GALNTL6: variants seen among roughly 807,000 people sequenced by gnomAD.
GALNTL6 encodes the protein polypeptide N-acetylgalactosaminyltransferase like 6, also known as polypeptide N-acetylgalactosaminyltransferase-like 6.
Under a neutral mutation model 73.7 loss-of-function variants are expected in GALNTL6, and 46 were observed. The observed-to-expected ratio is 0.62, with a 90% CI of 0.49 to 0.80. The LOEUF (loss-of-function observed/expected upper bound fraction) is 0.80. GALNTL6 is among the 30% of genes least tolerant of loss of function. GALNTL6 has a pLI of 0.00. For synonymous variants in GALNTL6, 259 were observed against 263.7 expected (o/e 0.98, Z 0.17); for missense variants, 604 against 755.0 (o/e 0.80, Z 2.34).
intron 2 of GALNTL6, among the ~76,000 whole-genome samples, chr4:171,871,714 A>C (rs1736143011): frequency 6.6e-6 from 1 of 152,192 alleles, no homozygotes. Flanking sequence ...AAAACACTAC[A>C]ATGATTCTGT....
intron 2 of GALNTL6, among the ~76,000 whole-genome samples, chr4:171,997,658 G>A (rs1740532724): frequency 6.6e-6 from 1 of 152,108 alleles, no homozygotes. Context: ...TCACACCATG[G>A]TAAGTCAGAG....
At chr4:172,137,209 A>G (rs1733661609) in intron 2 of GALNTL6, among the ~76,000 whole-genome samples, 2 of 152,116 alleles carry the variant, frequency 1.3e-5, no homozygotes, top group African/African-American at 4.8e-5. Context: ...TATAAATTTA[A>G]TACACCTATG....
chr4:172,421,945 A>G (rs1731064245), intron 5 of GALNTL6, among the ~76,000 whole-genome samples: 1 of 151,698 alleles, frequency 6.6e-6, no homozygotes, highest in Non-Finnish European at 1.5e-5. Flanking sequence ...GCTGTGTGAA[A>G]GTGTGTTTTT....
intron 7 of GALNTL6, among the ~76,000 whole-genome samples, chr4:172,823,394 AG>A (rs769485833): frequency 1.5e-4 from 23 of 152,248 alleles, no homozygotes; most frequent in Non-Finnish European, 3.1e-4. Flanking sequence ...CCATAAGGGC[AG>A]GGAGCTCTGC....
intron 5 of GALNTL6, among the ~76,000 whole-genome samples, chr4:172,377,613 C>T (rs1446830067): frequency 1.3e-5 from 2 of 152,142 alleles, no homozygotes; most frequent in Non-Finnish European, 2.9e-5. Flanking sequence ...GAGGCTCGGG[C>T]CACACGGGAG....
intron 2 of GALNTL6, among the ~76,000 whole-genome samples, chr4:172,158,658 C>T (rs1429255809): frequency 1.3e-5 from 2 of 152,060 alleles, no homozygotes; most frequent in Non-Finnish European, 2.9e-5. Context: ...GACCAAGTGG[C>T]AAAGTTAAAC....
At chr4:172,862,896 C>T (rs1266488309) in intron 7 of GALNTL6, among the ~76,000 whole-genome samples, 2 of 152,214 alleles carry the variant, frequency 1.3e-5, no homozygotes, top group Non-Finnish European at 2.9e-5. Context: ...AAAATGGTTT[C>T]CTGGGCTGGG....
At chr4:172,996,910 C>T (rs1190093372) in intron 10 of GALNTL6, among the ~76,000 whole-genome samples, 2 of 152,054 alleles carry the variant, frequency 1.3e-5, no homozygotes, top group African/African-American at 4.8e-5. Context: ...GATGTTTGCT[C>T]CTATTGCTAC....
At chr4:172,833,920 G>C (rs569868891) in intron 7 of GALNTL6, among the ~76,000 whole-genome samples, 143 of 152,238 alleles carry the variant, frequency 9.4e-4, no homozygotes, top group African/African-American at 3.3e-3. Flanking sequence ...TTCAAGACCA[G>C]CCTGGCCAAC....
intron 8 of GALNTL6, among the ~76,000 whole-genome samples, chr4:172,892,329 C>G (rs373140519): frequency 3.9e-5 from 6 of 152,080 alleles, no homozygotes; most frequent in African/African-American, 1.4e-4. Context: ...ATTCCTTTTC[C>G]CTTGAGGGTT....
chr4:171,814,294 T>C lies in GALNTL6; in HGVS notation c.-169-118T>C. On this transcript the variant is annotated intron_variant, in intron 1 of 12. Transcript: ENST00000506823. ...ACCATATTTACTCTATTGCTTTATA[T>C]TAATGGAGGTCAATGGGCTTAATGA... 3 of 466,872 alleles carry C rather than the reference T, an allele frequency of 6.4e-6. No individual in the cohort carries two copies. In the South Asian group the frequency reaches 7.8e-5, roughly 12 times the overall value. The allele number at this position is 466,872 out of a possible 1,614,324, so 28.9% of individuals were successfully genotyped here. A position where few individuals can be genotyped will look rare whatever the true frequency, so the allele number is the denominator to read the frequency against.
intron 2 of GALNTL6, among the ~76,000 whole-genome samples, chr4:172,101,375 A>G (rs1732514063): frequency 6.6e-6 from 1 of 152,228 alleles, no homozygotes; most frequent in Non-Finnish European, 1.5e-5. Flanking sequence ...GGAGCCTAAT[A>G]CTGAAACTCA....
At chr4:172,062,779 T>C (rs1731249922) in intron 2 of GALNTL6, among the ~76,000 whole-genome samples, 1 of 152,138 alleles carries the variant, frequency 6.6e-6, no homozygotes, top group African/African-American at 2.4e-5. Flanking sequence ...AGGGGAAAAA[T>C]AGATGGCTGT....
rs114584586 is a variant in GALNTL6 at position 173,021,092 on chromosome 4, A to G, written c.1489-384A>G. On this transcript the variant is annotated intron_variant, in intron 11 of 12. Transcript: ENST00000506823. Reference sequence around the variant, plus strand: ...TGTCTGAAAACAAACAAACAAAAAAAGACTTTATTTCTCTCTCTGACCCTC... The same window carrying G: ...TGTCTGAAAACAAACAAACAAAAAAGGACTTTATTTCTCTCTCTGACCCTC... Among the ~76,000 whole-genome samples the G allele has an allele frequency of 6.5e-3, 991 of 152,238 alleles. 10 individuals are homozygous for G. Among genetic ancestry groups the G allele is most frequent in the African/African-American group, 0.023 (961 of 41,548 alleles).
At chr4:172,238,633 T>C (rs1252357246) in intron 3 of GALNTL6, among the ~76,000 whole-genome samples, 1 of 152,206 alleles carries the variant, frequency 6.6e-6, no homozygotes. Flanking sequence ...CTTTCAGTAC[T>C]ATATTGAATA....
At chr4:172,924,200 A>G (rs956373510) in intron 8 of GALNTL6, among the ~76,000 whole-genome samples, 1 of 152,132 alleles carries the variant, frequency 6.6e-6, no homozygotes, top group Non-Finnish European at 1.5e-5. Flanking sequence ...GCTCTGCCTC[A>G]TCTTTCACAA....
intron 3 of GALNTL6, among the ~76,000 whole-genome samples, chr4:172,253,529 A>T (rs1737953731): frequency 1.3e-5 from 2 of 151,958 alleles, no homozygotes; most frequent in South Asian, 4.1e-4. Flanking sequence ...TCTAAAAAGG[A>T]GAAATGACAA....
intron 5 of GALNTL6, among the ~76,000 whole-genome samples, chr4:172,362,003 TATAGAATTGAACTAGATGAGAGTTAGTA>T (rs1331504698): frequency 6.6e-6 from 1 of 152,166 alleles, no homozygotes; most frequent in African/African-American, 2.4e-5. Flanking sequence ...GCTATAAAAT[TATAGAATTGAACTAGATGAGAGTTAGTA>T]ATATCTCCAA....
At chr4:172,531,729 G>A (rs917863317) in intron 5 of GALNTL6, among the ~76,000 whole-genome samples, 6 of 152,216 alleles carry the variant, frequency 3.9e-5, no homozygotes, top group African/African-American at 1.4e-4. Flanking sequence ...TTCACTCTGA[G>A]CTGCCATGGG....
Sources: allele counts gnomAD v4.1 joint callset (sites outside exome capture counted in the v4.1 genomes callset), GRCh38; gene constraint gnomAD v4.1.1; transcripts MANE v1.5; gene names NCBI Gene and HGNC (gene_info 2026-07-23, HGNC 2026-07-21).